RPL36: variants seen among roughly 807,000 people sequenced by gnomAD.
RPL36 encodes the protein ribosomal protein L36.
For missense variants in RPL36, 131 were observed against 144.9 expected, an observed-to-expected ratio of 0.90 and a Z score of 0.49; for synonymous variants, 74 against 56.0, an observed-to-expected ratio of 1.32 and a Z score of -1.44.
rs1244463015 is a variant in RPL36 at position 5,691,728 on chromosome 19, G to C, written c.*107G>C. The C allele has an allele frequency of 2.5e-6, 3 of 1,199,318 alleles. No homozygotes were observed. The highest frequency in any genetic ancestry group is 2.6e-5 in the South Asian group (2 of 76,888). The allele number at this position is 1,199,318 out of a possible 1,614,324, so 74.3% of individuals were successfully genotyped here. A position where few individuals can be genotyped will look rare whatever the true frequency, so the allele number is the denominator to read the frequency against. ...GTGTGTCGGGGGCCCGCAGTCCCCT[G>C]TCTGGTGCCCGCTCTGAGCCACACC... On this transcript the variant is annotated 3_prime_UTR_variant, in exon 4 of 4. Coordinates refer to ENST00000347512, the MANE Select transcript of RPL36 (RefSeq NM_033643.3).
chr19:5,691,715 C>G lies in RPL36; in HGVS notation c.*94C>G. 7.8e-7 allele frequency: 1 copy of G among 1,277,652 alleles called. No homozygotes were observed. The highest frequency in any genetic ancestry group is 1.1e-6 in the Non-Finnish European group (1 of 903,584). 79.1% of individuals were successfully genotyped at this position (1,277,652 alleles called of 1,614,324 possible). ...TGGGTGGGTGTGGGTGTGTCGGGGGCCCGCAGTCCCCTGTCTGGTGCCCGC... is the reference window on the plus strand; with the variant it reads ...TGGGTGGGTGTGGGTGTGTCGGGGGGCCGCAGTCCCCTGTCTGGTGCCCGC... On this transcript the variant is annotated 3_prime_UTR_variant, in exon 4 of 4. Transcript: ENST00000347512.
Position 5,691,601 on chromosome 19 carries a change from G to C in RPL36, c.298G>C (p.Ala100Pro). ...CAACGTACTGGCCGCCATGAGGAAA[G>C]CTGCTGCCAAGAAAGACTGAGCCCC... Reference protein sequence around the residue: ...LSNVLAAMRKAAAKKD With the variant: ...LSNVLAAMRKPAAKKD The change falls in exon 4 of 4, where the codon GCT becomes CCT. Residue 100 changes from alanine to proline, a missense_variant. By Grantham distance (27) the Ala-to-Pro change is conservative. Transcript: ENST00000347512. 1 of 1,610,710 alleles carries C rather than the reference G, an allele frequency of 6.2e-7. No individual in the cohort carries two copies. Among genetic ancestry groups the C allele is most frequent in the Non-Finnish European group, 8.5e-7 (1 of 1,179,558 alleles).
At chr19:5,690,676 G>C (rs1197791226) in intron 2 of RPL36, 76 bp downstream of exon 2, 2 of 1,225,050 alleles carry the variant, frequency 1.6e-6, no homozygotes, top group South Asian at 1.3e-5. Context: ...AAAGGCTCTC[G>C]ACCTGAAAGA....
chr19:5,691,499 G>A, intron 3 of RPL36, 33 bp from the exon 4 acceptor site: 2 of 1,607,768 alleles, frequency 1.2e-6, no homozygotes, highest in East Asian at 2.2e-5. Flanking sequence ...ATGGGAGTCA[G>A]GGCCGGGCTG....
intron 2 of RPL36, 115 bp downstream of exon 2, chr19:5,690,715 G>A: frequency 3.6e-6 from 3 of 824,566 alleles, no homozygotes; most frequent in South Asian, 3.0e-5. Flanking sequence ...AACTAAGGGG[G>A]GCTTGAATGG....
intron 2 of RPL36, 135 bp downstream of exon 2, chr19:5,690,735 G>A (rs1217143018): frequency 2.7e-6 from 2 of 729,196 alleles, no homozygotes; most frequent in African/African-American, 1.7e-5. Flanking sequence ...GAAGAGATGG[G>A]GTGGGGGAGT....
chr19:5,691,122 T>C, intron 2 of RPL36, 197 bp from the exon 3 acceptor site: 1 of 703,376 alleles, frequency 1.4e-6, no homozygotes, highest in Non-Finnish European at 2.4e-6. Context: ...GTCCTGCCAG[T>C]GTTGCGGAGA....
In RPL36 at chr19:5,691,464, G is replaced by A. The variant is rs373132884; in HGVS notation, c.228+11G>A. On this transcript the variant is annotated intron_variant, in intron 3 of 3. Coordinates refer to ENST00000347512, the MANE Select transcript of RPL36 (RefSeq NM_033643.3). The stretch of plus-strand genomic sequence containing the variant: ...TTTATCAAGAAAAGGGTAGGTGGGC[G>A]CTGCCGGCCGAGGGGCGGGGTGGGA... 96 of 1,608,992 alleles carry A rather than the reference G, an allele frequency of 6.0e-5. No homozygotes were observed. The highest frequency in any genetic ancestry group is 7.8e-5 in the Non-Finnish European group (92 of 1,175,842).
At chr19:5,691,120 A>T in intron 2 of RPL36, 199 bp from the exon 3 acceptor site, 2 of 693,580 alleles carry the variant, frequency 2.9e-6, no homozygotes, top group South Asian at 3.6e-5. Flanking sequence ...GCGTCCTGCC[A>T]GTGTTGCGGA....
intron 2 of RPL36, 75 bp from the exon 3 acceptor site, chr19:5,691,244 C>A: frequency 1.9e-6 from 3 of 1,601,882 alleles, no homozygotes; most frequent in South Asian, 2.2e-5. Context: ...AGGGAAATCG[C>A]GGCAGCGCGA....
At position 5,691,777 on chromosome 19, in the gene RPL36, G is replaced by C; in HGVS notation, c.*156G>C. On this transcript the variant is annotated 3_prime_UTR_variant, in exon 4 of 4. Coordinates refer to ENST00000347512, the MANE Select transcript of RPL36 (RefSeq NM_033643.3). The stretch of plus-strand genomic sequence containing the variant: ...CCCTCTCCGGGTGCTGCCTGGTCGT[G>C]AATCAAAAGCCGTGGCCCGCCCACC... 4 of 964,756 alleles carry C rather than the reference G, an allele frequency of 4.1e-6. No individual in the cohort carries two copies. The South Asian group carries it at 5.7e-5, about 14-fold the overall frequency. 59.8% of individuals were successfully genotyped at this position (964,756 alleles called of 1,614,324 possible).
rs1229903542 is a variant in RPL36 at position 5,691,536 on chromosome 19, G to A, written c.233G>A (p.Gly78Glu). The A allele has an allele frequency of 6.2e-7, 1 of 1,612,008 alleles. No individual in the cohort carries two copies. Among genetic ancestry groups the A allele is most frequent in the Non-Finnish European group, 8.5e-7 (1 of 1,179,906 alleles). Residue 78 changes from glycine to glutamate, a missense_variant, in exon 4 of 4, where the codon GGG (glycine) becomes GAG (glutamate). Gly to Glu is a moderately conservative substitution (Grantham distance 98). Transcript: ENST00000347512. Reference protein sequence around the residue: ...RALKFIKKRVGTHIRAKRKRE... With the variant: ...RALKFIKKRVETHIRAKRKRE... ...CGGCGGCCTCGTCCCTGGCAGGTGG[G>A]GACGCACATCCGCGCCAAGAGGAAG... is the stretch of plus-strand genomic sequence containing the variant.
rs564239657 is a variant in RPL36 at position 5,691,655 on chromosome 19, C to G, written c.*34C>G. The G allele has an allele frequency of 1.9e-6, 3 of 1,568,732 alleles. No homozygotes were observed. The highest frequency in any genetic ancestry group is 2.7e-5 in the African/African-American group (2 of 74,172). On this transcript the variant is annotated 3_prime_UTR_variant, in exon 4 of 4. Coordinates refer to ENST00000347512, the MANE Select transcript of RPL36 (RefSeq NM_033643.3). ...CCTGCCCTCTCCCTGAAATAAAGAA[C>G]AGCTTGACAGAAGCCCTGGCTCTCC...
Position 5,690,295 on chromosome 19 carries a change from C to G in RPL36, c.-35C>G, listed in dbSNP as rs1440341348. On this transcript the variant is annotated 5_prime_UTR_variant, in exon 1 of 4. Transcript: ENST00000347512. ...TCCCGGAGTTCCGCGCGGCGCCAGC[C>G]CTTCCGCCACGGCCGTCTCTGGAGA... 4.9e-6 allele frequency: 3 copies of G among 610,824 alleles called. No homozygotes were observed. The highest frequency in any genetic ancestry group is 2.8e-5 in the East Asian group (1 of 35,684). 37.8% of individuals were successfully genotyped at this position (610,824 alleles called of 1,614,324 possible).
chr19:5,690,374 C>A, intron 1 of RPL36, 47 bp downstream of exon 1: 2 of 735,384 alleles, frequency 2.7e-6, no homozygotes, highest in Non-Finnish European at 4.9e-6. Context: ...TCCGGACTCC[C>A]GGGTCCTCTG....
At chr19:5,690,714 G>A (rs1330423190) in intron 2 of RPL36, 114 bp downstream of exon 2, 2 of 824,414 alleles carry the variant, frequency 2.4e-6, no homozygotes, top group African/African-American at 3.4e-5. Context: ...GAACTAAGGG[G>A]GGCTTGAATG....
chr19:5,690,830 CT>C (rs1170075745), intron 2 of RPL36: 1 of 596,970 alleles, frequency 1.7e-6, no homozygotes, highest in Admixed American at 2.9e-5. Context: ...GAGGGAGCAC[CT>C]TGAGAGCGGC....
Position 5,691,809 on chromosome 19 carries a change from G to A in RPL36, c.*188G>A, listed in dbSNP as rs2054826118. ...AAGCCGTGGCCCGCCCACCCTTCCC[G>A]GGGCAGCAGGTGAGGAAGCCGCCGT... On this transcript the variant is annotated 3_prime_UTR_variant, in exon 4 of 4. Coordinates refer to ENST00000347512, the MANE Select transcript of RPL36 (RefSeq NM_033643.3). The A allele has an allele frequency of 6.1e-6, 5 of 814,606 alleles. No homozygotes were observed. Among genetic ancestry groups the A allele is most frequent in the Admixed American group, 2.4e-5 (1 of 40,896 alleles). 50.5% of individuals were successfully genotyped at this position (814,606 alleles called of 1,614,324 possible).
chr19:5,690,394 G>A, intron 1 of RPL36, 67 bp downstream of exon 1: 1 of 831,960 alleles, frequency 1.2e-6, no homozygotes, highest in African/African-American at 1.7e-5. Context: ...GTGCAGGTTG[G>A]AGGATGGTTG....
Sources: gnomAD v4.1 joint callset for allele counts on GRCh38, gnomAD v4.1.1 for gene constraint, MANE v1.5 for transcripts, NCBI Gene and HGNC (gene_info 2026-07-23, HGNC 2026-07-21) for gene names.